Variants in PSEN1 observed in about 807,000 individuals in gnomAD.
PSEN1 encodes presenilin 1, also known as presenilin-1.
PSEN1 carries 15 observed loss-of-function variants against 53.5 expected under a neutral mutation model. The observed-to-expected ratio is 0.28, with a 90% CI of 0.19 to 0.43. The LOEUF is 0.43. Ranked by LOEUF, PSEN1 falls within the 20% of genes least tolerant of loss-of-function variation. The probability of loss-of-function intolerance (pLI) is 1.00; values close to 1 mark genes in which losing one functional copy is unlikely to be tolerated. For missense variants in PSEN1, 387 were observed against 571.2 expected (o/e 0.68, Z 3.29); for synonymous variants, 208 against 209.8 (o/e 0.99, Z 0.08).
intron 3 of PSEN1, among the ~76,000 whole-genome samples, chr14:73,153,954 T>A (rs1247847451): frequency 6.6e-6 from 1 of 152,082 alleles, no homozygotes; most frequent in Non-Finnish European, 1.5e-5. Context: ...CCTCAAGTGA[T>A]CTGACCACCT....
chr14:73,218,756 G>A lies in PSEN1; in HGVS notation c.1249-378G>A, dbSNP rs909199383. ...CACAGCATAGAGAAGCCCCCGCACAGCATAGAGAATGCTCTTCACCTCTGG... is the reference window on the plus strand; with the variant it reads ...CACAGCATAGAGAAGCCCCCGCACAACATAGAGAATGCTCTTCACCTCTGG... On this transcript the variant is annotated intron_variant, in intron 11 of 11. Transcript: ENST00000324501. Among the ~76,000 whole-genome samples the A allele has an allele frequency of 1.8e-4, 27 of 149,158 alleles. 1 individual carries two copies. The highest frequency in any genetic ancestry group is 1.6e-3 in the Admixed American group (23 of 14,784).
chr14:73,189,558 G>C (rs1311845882), intron 6 of PSEN1, among the ~76,000 whole-genome samples: 1 of 152,100 alleles, frequency 6.6e-6, no homozygotes, highest in East Asian at 1.9e-4. Context: ...GTTGCTGTGA[G>C]CCGAGATCGC....
chr14:73,169,709 G>A (rs375383291), intron 3 of PSEN1, among the ~76,000 whole-genome samples: 1 of 150,448 alleles, frequency 6.6e-6, no homozygotes, highest in Admixed American at 6.6e-5. Context: ...ATAGTGGCAC[G>A]ATCTCTGCTC....
intron 8 of PSEN1, among the ~76,000 whole-genome samples, chr14:73,198,354 ATTGGGGAACCAGCATTCCCATT>A (rs911055064): frequency 1.6e-4 from 24 of 152,342 alleles, no homozygotes; most frequent in African/African-American, 5.8e-4. Flanking sequence ...ATGTTTAGAT[ATTGGGGAACCAGCATTCCCATT>A]TTAAAACCTG....
intron 6 of PSEN1, among the ~76,000 whole-genome samples, chr14:73,187,780 A>C (rs1898569552): frequency 6.6e-6 from 1 of 152,186 alleles, no homozygotes; most frequent in Non-Finnish European, 1.5e-5. Context: ...ATATAAAAAG[A>C]AAAAAAGCTT....
chr14:73,167,147 CCAG>C (rs10564849), intron 3 of PSEN1, among the ~76,000 whole-genome samples: 113,667 of 151,726 alleles, frequency 0.75, 43,973 homozygotes, highest in African/African-American at 0.94. Context: ...GTATATGGTA[CCAG>C]CAGCACCTGA....
chr14:73,140,921 G>A (rs115555746), intron 1 of PSEN1, among the ~76,000 whole-genome samples: 11 of 152,216 alleles, frequency 7.2e-5, no homozygotes, highest in Non-Finnish European at 1.5e-4. Context: ...GTAGGTAGAT[G>A]TGTGGATCGG....
intron 9 of PSEN1, among the ~76,000 whole-genome samples, chr14:73,209,269 C>T (rs1429777538): frequency 6.6e-6 from 1 of 152,208 alleles, no homozygotes; most frequent in East Asian, 1.9e-4. Context: ...GCCCCAGCTG[C>T]ACCTCCCCTG....
At chr14:73,203,644 G>A (rs1256633760) in intron 8 of PSEN1, among the ~76,000 whole-genome samples, 1 of 152,124 alleles carries the variant, frequency 6.6e-6, no homozygotes, top group African/African-American at 2.4e-5. Context: ...TTACTGACAG[G>A]AAATGTATGA....
intron 1 of PSEN1, among the ~76,000 whole-genome samples, chr14:73,147,136 C>T (rs1293039856): frequency 6.6e-6 from 1 of 151,984 alleles, no homozygotes; most frequent in Non-Finnish European, 1.5e-5. Context: ...CAGATGCGCG[C>T]CACCACACCC....
At chr14:73,175,858 T>G (rs762475015) in intron 5 of PSEN1, among the ~76,000 whole-genome samples, 5 of 152,256 alleles carry the variant, frequency 3.3e-5, no homozygotes, top group Non-Finnish European at 5.9e-5. Flanking sequence ...ACTGTCTTGG[T>G]ATTCAAAATC....
At chr14:73,194,547 C>T (rs1257488857) in intron 7 of PSEN1, among the ~76,000 whole-genome samples, 3 of 151,644 alleles carry the variant, frequency 2.0e-5, no homozygotes, top group Non-Finnish European at 4.4e-5. Flanking sequence ...AGGCATGAGC[C>T]ACCATGCCTG....
chr14:73,147,038 G>A (rs1897091894), intron 1 of PSEN1, among the ~76,000 whole-genome samples: 1 of 149,280 alleles, frequency 6.7e-6, no homozygotes, highest in Admixed American at 6.7e-5. Context: ...TCAGGAGTCA[G>A]CCATTCTTTT....
intron 9 of PSEN1, among the ~76,000 whole-genome samples, chr14:73,210,450 A>G (rs1228440216): frequency 6.6e-6 from 1 of 152,196 alleles, no homozygotes; most frequent in Non-Finnish European, 1.5e-5. Context: ...TATCTTCTCT[A>G]TAGGAGGTGA....
intron 3 of PSEN1, among the ~76,000 whole-genome samples, chr14:73,152,440 GA>G (rs560079238): frequency 0.089 from 9,219 of 103,986 alleles, 507 homozygotes; most frequent in African/African-American, 0.19. Context: ...TTTCTACTAA[GA>G]AAAAAAAAAA....
At chr14:73,138,825 G>A (rs2140487049) in intron 1 of PSEN1, among the ~76,000 whole-genome samples, 2 of 151,368 alleles carry the variant, frequency 1.3e-5, no homozygotes, top group East Asian at 2.0e-4. Context: ...AAATTAGCCG[G>A]GCGTGATGGC....
Position 73,211,757 on chromosome 14 carries a change from T to G in PSEN1, c.956-12T>G. On this transcript the variant is annotated splice_polypyrimidine_tract_variant and intron_variant, in intron 9 of 11. Transcript: ENST00000324501. Reference sequence around the variant, plus strand: ...TAAATATTAGAGCTGTAACTTCCACTTTCTCTTGAAGGCACAGAAAGGGAG... The same window carrying G: ...TAAATATTAGAGCTGTAACTTCCACGTTCTCTTGAAGGCACAGAAAGGGAG... 6.2e-7 allele frequency: 1 copy of G among 1,613,924 alleles called. No individual in the cohort carries two copies.
chr14:73,162,947 GT>G (rs1165998282), intron 3 of PSEN1, among the ~76,000 whole-genome samples: 3 of 152,186 alleles, frequency 2.0e-5, no homozygotes, highest in South Asian at 2.1e-4. Flanking sequence ...CCATGTGAAT[GT>G]TTTACCTATG....
At chr14:73,209,288 G>A (rs980787221) in intron 9 of PSEN1, among the ~76,000 whole-genome samples, 1 of 152,188 alleles carries the variant, frequency 6.6e-6, no homozygotes, top group African/African-American at 2.4e-5. Flanking sequence ...TGCTGCAGCT[G>A]CCATCTTTGC....
Sources: gnomAD v4.1 joint callset for allele counts (sites outside exome capture counted in the v4.1 genomes callset) on GRCh38, gnomAD v4.1.1 for gene constraint, MANE v1.5 for transcripts, NCBI Gene and HGNC (gene_info 2026-07-23, HGNC 2026-07-21) for gene names.